MSL2: variants seen among roughly 807,000 people sequenced by gnomAD.
MSL2 encodes the protein E3 ubiquitin-protein ligase MSL2.
MSL2 carries 2 observed loss-of-function variants against 35.8 expected under a neutral mutation model. The observed-to-expected ratio is 0.06, with a 90% CI of 0.02 to 0.18. The LOEUF is 0.18. Among genes scored for constraint, MSL2 ranks in the 10% least tolerant of loss-of-function variants. The pLI is 1.00. For missense variants in MSL2, 523 were observed against 706.7 expected, an observed-to-expected ratio of 0.74 and a Z score of 2.95; for synonymous variants, 296 against 255.7, an observed-to-expected ratio of 1.16 and a Z score of -1.50.
At chr3:136,162,969 A>ATT (rs542937035) in intron 1 of MSL2, among the ~76,000 whole-genome samples, 68 of 137,962 alleles carry the variant, frequency 4.9e-4, no homozygotes, top group South Asian at 3.2e-3. Context: ...GAGGACTTGG[A>ATT]TTTTTTTTTT....
intron 1 of MSL2, among the ~76,000 whole-genome samples, chr3:136,165,877 G>A (rs1207965472): frequency 6.6e-6 from 1 of 151,870 alleles, no homozygotes; most frequent in East Asian, 1.9e-4. Context: ...AGAGTATAAT[G>A]GGATAACTAA....
At chr3:136,183,205 C>T (rs1940417816) in intron 1 of MSL2, among the ~76,000 whole-genome samples, 1 of 151,874 alleles carries the variant, frequency 6.6e-6, no homozygotes. Flanking sequence ...AAAACCAGTG[C>T]GAGCAACAAA....
In MSL2 at chr3:136,151,498, C is replaced by A. The variant is rs769080390; in HGVS notation, c.1383G>T (p.Gly461=). The A allele has an allele frequency of 6.2e-7, 1 of 1,614,220 alleles. No homozygotes were observed. Among genetic ancestry groups the A allele is most frequent in the Non-Finnish European group, 8.5e-7 (1 of 1,180,048 alleles). ...TTTGAGTAGCACGCCCACATTTACA[C>A]CCTTTCTTTTCCTGGGGTTTTTTGT... ...TVYKKPQEKK[G]CKCGRATQNP... The change falls in exon 2 of 2, where the codon GGG becomes GGT. Residue 461 remains glycine, a synonymous_variant. Coordinates refer to ENST00000309993, the MANE Select transcript of MSL2 (RefSeq NM_018133.4). This position sits in a 1 kb window ranked among gnomAD's most constrained non-coding sequence, Gnocchi z 5.2.
At chr3:136,187,569 G>A (rs1940559465) in intron 1 of MSL2, among the ~76,000 whole-genome samples, 1 of 151,872 alleles carries the variant, frequency 6.6e-6, no homozygotes, top group Non-Finnish European at 1.5e-5. Context: ...ACTCTAGGAG[G>A]CTAAGGCAGG....
At chr3:136,177,942 A>G (rs1223091648) in intron 1 of MSL2, among the ~76,000 whole-genome samples, 1 of 152,188 alleles carries the variant, frequency 6.6e-6, no homozygotes, top group African/African-American at 2.4e-5. Context: ...TAAACTTCGG[A>G]GTTTTTTTAA....
chr3:136,158,542 A>G (rs1455433360), intron 1 of MSL2, among the ~76,000 whole-genome samples: 1 of 152,192 alleles, frequency 6.6e-6, no homozygotes, highest in Admixed American at 6.5e-5. Flanking sequence ...TTCCTTCCAA[A>G]GATCAGGAAC....
chr3:136,177,943 G>GT (rs1270995619), intron 1 of MSL2, among the ~76,000 whole-genome samples: 1 of 152,106 alleles, frequency 6.6e-6, no homozygotes, highest in African/African-American at 2.4e-5. Context: ...AAACTTCGGA[G>GT]TTTTTTTAAT....
intron 1 of MSL2, among the ~76,000 whole-genome samples, chr3:136,186,932 A>T (rs899721399): frequency 6.6e-6 from 1 of 152,192 alleles, no homozygotes. Context: ...TATAACACCT[A>T]AACAATATAA....
chr3:136,154,725 T>G (rs979682909), intron 1 of MSL2, among the ~76,000 whole-genome samples: 1 of 152,112 alleles, frequency 6.6e-6, no homozygotes, highest in African/African-American at 2.4e-5. Flanking sequence ...AAAGCAGTGT[T>G]TAGTGGGAAA....
At chr3:136,167,603 A>G (rs887360622) in intron 1 of MSL2, among the ~76,000 whole-genome samples, 1 of 152,204 alleles carries the variant, frequency 6.6e-6, no homozygotes, top group African/African-American at 2.4e-5. Context: ...ATGAGGATGA[A>G]GGAAAATTAA....
At position 136,195,003 on chromosome 3, in the gene MSL2, G is replaced by A. The variant is rs1940795503; in HGVS notation, c.111C>T (p.Tyr37=). 1.9e-6 allele frequency: 3 copies of A among 1,613,818 alleles called. No homozygotes were observed. Among genetic ancestry groups the A allele is most frequent in the African/African-American group, 1.3e-5 (1 of 74,876 alleles). ...AFTEINRLLP[Y]FRQSLSCCVC... is the part of the protein sequence containing the mutation. The stretch of plus-strand genomic sequence containing the variant: ...CACAGCACGAAAGGGACTGTCGGAA[G>A]TAAGGCAAGAGCCTGTTAATCTCAG... The change falls in exon 1 of 2, where the codon TAC becomes TAT. Residue 37 remains tyrosine, a synonymous_variant. Transcript: ENST00000309993.
At chr3:136,194,369 GAA>G (rs754904822) in intron 1 of MSL2, 9 of 976,226 alleles carry the variant, frequency 9.2e-6, no homozygotes, top group Non-Finnish European at 1.1e-5. Flanking sequence ...ACCACAAAAT[GAA>G]AAAGTGGTAA....
intron 1 of MSL2, chr3:136,194,656 G>C (rs1319293539): frequency 3.5e-6 from 1 of 282,348 alleles, no homozygotes; most frequent in Non-Finnish European, 6.2e-6. Flanking sequence ...CGCGGCAAAG[G>C]TTTAAGAAAA....
intron 1 of MSL2, chr3:136,194,458 A>C: frequency 1.0e-6 from 1 of 985,674 alleles, no homozygotes; most frequent in Non-Finnish European, 1.2e-6. Flanking sequence ...TCAAACCGTC[A>C]AAGCATTTGT....
chr3:136,186,932 A>G lies in MSL2; in HGVS notation c.142+8040T>C, dbSNP rs899721399. Among the ~76,000 whole-genome samples, 3 of 152,192 alleles carry G rather than the reference A, an allele frequency of 2.0e-5. No individual in the cohort carries two copies. In the East Asian group the frequency reaches 5.8e-4, roughly 29 times the overall value. The stretch of plus-strand genomic sequence containing the variant: ...CATCTGCAGATTACTTATAACACCT[A>G]AACAATATAAATACTATGTAAGTAG... On this transcript the variant is annotated intron_variant, in intron 1 of 1. Coordinates refer to ENST00000309993, the MANE Select transcript of MSL2 (RefSeq NM_018133.4).
rs761326843 is a variant in MSL2, at chr3:136,151,198, T to C, written c.1683A>G (p.Thr561=). Residue 561 remains threonine (T), a synonymous_variant, in exon 2 of 2, where the codon ACA becomes ACG. Coordinates refer to ENST00000309993, the MANE Select transcript of MSL2 (RefSeq NM_018133.4). The surrounding 1 kb of genome is among the most constrained non-coding windows in gnomAD (Gnocchi z 5.2). ...CTTCATCCAAACTTTTATCATCATG[T>C]GTACTGGCAGCTAAAAACGTCGTTA... The part of the protein sequence containing the change: ...SPVTTFLAAS[T]HDDKSLDEAI... The C allele has an allele frequency of 1.2e-6, 2 of 1,614,214 alleles. No individual in the cohort carries two copies. The highest frequency in any genetic ancestry group is 1.7e-6 in the Non-Finnish European group (2 of 1,180,030).
At chr3:136,187,253 T>G (rs767604627) in intron 1 of MSL2, among the ~76,000 whole-genome samples, 1 of 152,244 alleles carries the variant, frequency 6.6e-6, no homozygotes, top group Non-Finnish European at 1.5e-5. Context: ...TAAAATGTTA[T>G]GATAACCGTA....
intron 1 of MSL2, among the ~76,000 whole-genome samples, chr3:136,157,377 A>C (rs1279682861): frequency 6.6e-6 from 1 of 152,108 alleles, no homozygotes; most frequent in East Asian, 1.9e-4. Flanking sequence ...GGTGGTGAAC[A>C]CCTGTAATCC....
chr3:136,162,702 A>G (rs1011562314), intron 1 of MSL2, among the ~76,000 whole-genome samples: 2 of 152,268 alleles, frequency 1.3e-5, no homozygotes, highest in African/African-American at 2.4e-5. Context: ...AATATTTTAT[A>G]TAATAGTGTA....
Sources: allele counts gnomAD v4.1 joint callset (sites outside exome capture counted in the v4.1 genomes callset), GRCh38; gene constraint gnomAD v4.1.1; non-coding constraint Gnocchi (gnomAD v3.1); transcripts MANE v1.5; gene names NCBI Gene and HGNC (gene_info 2026-07-23, HGNC 2026-07-21).